Variants in MEGF10 observed in about 807,000 individuals in gnomAD.
MEGF10 encodes the protein multiple EGF like domains 10.
MEGF10 carries 86 observed loss-of-function variants against 147.5 expected under a neutral mutation model. The ratio of observed to expected loss-of-function variants is 0.58; its 90% CI spans 0.49 to 0.70. The LOEUF (loss-of-function observed/expected upper bound fraction) is 0.70. Ranked by LOEUF, MEGF10 falls within the 30% of genes least tolerant of loss-of-function variation. MEGF10 has a pLI of 0.00. For synonymous variants in MEGF10, 478 were observed against 525.5 expected (o/e 0.91, Z 1.24); for missense variants, 1,329 against 1,487.3 (o/e 0.89, Z 1.75).
intron 16 of MEGF10, among the ~76,000 whole-genome samples, chr5:127,436,524 C>A (rs1198888675): frequency 1.3e-5 from 2 of 152,160 alleles, no homozygotes; most frequent in African/African-American, 4.8e-5. Context: ...ACATGTGTTG[C>A]AAGGGCTCTG....
chr5:127,324,808 C>T (rs1224658467), intron 1 of MEGF10, among the ~76,000 whole-genome samples: 3 of 152,186 alleles, frequency 2.0e-5, no homozygotes, highest in Non-Finnish European at 4.4e-5. Context: ...CACCACCCTC[C>T]TTTCTAGCGT....
At chr5:127,403,401 G>T (rs956081117) in intron 8 of MEGF10, among the ~76,000 whole-genome samples, 4 of 152,080 alleles carry the variant, frequency 2.6e-5, no homozygotes, top group African/African-American at 9.7e-5. Context: ...GCGGAATGGG[G>T]TATCCATCCC....
At chr5:127,351,617 A>C (rs1025780746) in intron 4 of MEGF10, among the ~76,000 whole-genome samples, 7 of 152,186 alleles carry the variant, frequency 4.6e-5, no homozygotes, top group African/African-American at 1.7e-4. Flanking sequence ...AGATTTGGCT[A>C]TGTAGTGCCT....
intron 16 of MEGF10, among the ~76,000 whole-genome samples, chr5:127,436,437 T>C (rs1281467385): frequency 6.6e-6 from 1 of 152,122 alleles, no homozygotes; most frequent in Non-Finnish European, 1.5e-5. Flanking sequence ...AGCTCTTTGG[T>C]GAAAGAAGTG....
chr5:127,453,764 A>G (rs1024857489), intron 22 of MEGF10, among the ~76,000 whole-genome samples: 22 of 152,370 alleles, frequency 1.4e-4, no homozygotes, highest in African/African-American at 5.3e-4. Context: ...ACCAGATAGT[A>G]TAAAATGGGC....
intron 4 of MEGF10, among the ~76,000 whole-genome samples, chr5:127,345,976 C>T (rs992023884): frequency 6.6e-6 from 1 of 152,124 alleles, no homozygotes; most frequent in African/African-American, 2.4e-5. Flanking sequence ...AGTGACTTCA[C>T]TTAGAATAAC....
intron 1 of MEGF10, among the ~76,000 whole-genome samples, chr5:127,315,633 G>A (rs571028387): frequency 1.3e-5 from 2 of 152,070 alleles, no homozygotes; most frequent in African/African-American, 4.8e-5. Flanking sequence ...AATTAGCCAG[G>A]TGTGTTGGAA....
At chr5:127,281,978 C>T in the MEGF10 span, among the ~76,000 whole-genome samples, 1 of 152,192 alleles carries the variant, frequency 6.6e-6, no homozygotes, top group African/African-American at 2.4e-5. Flanking sequence ...GGCATTTTTG[C>T]CTCACCAAAC....
Position 127,337,421 on chromosome 5 carries a change from A to G in MEGF10, c.117-1699A>G, listed in dbSNP as rs377029579. Among the ~76,000 whole-genome samples, 11 of 152,216 alleles carry G rather than the reference A, an allele frequency of 7.2e-5. No individual in the cohort carries two copies. The East Asian group carries it at 1.9e-3, about 27-fold the overall frequency. On this transcript the variant is annotated intron_variant, in intron 2 of 24. Coordinates refer to ENST00000503335, the MANE Select transcript of MEGF10 (RefSeq NM_001256545.2). ...AGGCTCAAAATAATTTAAAGTTCCA[A>G]TAGCTTTAAATTTGAATTATTTAAT...
chr5:127,242,595 G>T, the MEGF10 span, among the ~76,000 whole-genome samples: 1 of 152,096 alleles, frequency 6.6e-6, no homozygotes, highest in African/African-American at 2.4e-5. Flanking sequence ...TTCAAAAAGG[G>T]TAAACACAAC....
At chr5:127,230,246 T>G in the MEGF10 span, among the ~76,000 whole-genome samples, 1 of 152,062 alleles carries the variant, frequency 6.6e-6, no homozygotes, top group Non-Finnish European at 1.5e-5. Context: ...TGCTGTTCAC[T>G]TTTTCCCCTT....
At chr5:127,344,686 C>G (rs1761813085) in intron 4 of MEGF10, among the ~76,000 whole-genome samples, 1 of 152,084 alleles carries the variant, frequency 6.6e-6, no homozygotes, top group Non-Finnish European at 1.5e-5. Context: ...TCTCCGTTCT[C>G]TATGTTCAAT....
intron 4 of MEGF10, among the ~76,000 whole-genome samples, chr5:127,355,509 G>C (rs1002790834): frequency 1.2e-4 from 18 of 152,220 alleles, no homozygotes; most frequent in African/African-American, 3.4e-4. Context: ...TAGGGACCCT[G>C]TACTCTGTTG....
At chr5:127,340,681 G>A in intron 4 of MEGF10, 51 bp downstream of exon 4, 3 of 1,493,538 alleles carry the variant, frequency 2.0e-6, no homozygotes, top group Non-Finnish European at 2.8e-6. Context: ...CCCAGTGCTG[G>A]TTTGCTTCCA....
the MEGF10 span, among the ~76,000 whole-genome samples, chr5:127,272,812 C>T: frequency 3.3e-5 from 5 of 152,214 alleles, no homozygotes; most frequent in Non-Finnish European, 7.3e-5. Context: ...TGCTTATCAG[C>T]TTAAGAAGCT....
the MEGF10 span, chr5:127,229,463 C>T: frequency 2.3e-4 from 35 of 151,948 alleles, no homozygotes; most frequent in Non-Finnish European, 5.0e-4. Context: ...GGGTCGAGGC[C>T]TCCCGGGCAG....
chr5:127,446,411 T>G (rs1243658908), intron 20 of MEGF10, among the ~76,000 whole-genome samples: 1 of 152,168 alleles, frequency 6.6e-6, no homozygotes, highest in Non-Finnish European at 1.5e-5. Context: ...CTGATTTACA[T>G]AGTAGTGCAT....
At chr5:127,341,749 T>C (rs1159185993) in intron 4 of MEGF10, among the ~76,000 whole-genome samples, 1 of 152,226 alleles carries the variant, frequency 6.6e-6, no homozygotes, top group Non-Finnish European at 1.5e-5. Flanking sequence ...GTGAATATTT[T>C]TCCTGGTCAG....
chr5:127,365,614 C>G (rs921519594), intron 4 of MEGF10, among the ~76,000 whole-genome samples: 7 of 152,208 alleles, frequency 4.6e-5, no homozygotes, highest in African/African-American at 1.7e-4. Context: ...TCATCAGTGT[C>G]TCTTGCCTCC....
Sources: gnomAD v4.1 joint callset for allele counts (sites outside exome capture counted in the v4.1 genomes callset) on GRCh38, gnomAD v4.1.1 for gene constraint, MANE v1.5 for transcripts, NCBI Gene and HGNC (gene_info 2026-07-23, HGNC 2026-07-21) for gene names.